LEPR: variants seen among roughly 807,000 people sequenced by gnomAD.
LEPR encodes the protein OB receptor.
A neutral mutation model predicts 114.7 loss-of-function variants in LEPR; 56 were observed. The observed-to-expected ratio is 0.49, with a 90% confidence interval of 0.39 to 0.61. The LOEUF (loss-of-function observed/expected upper bound fraction) is 0.61. Ranked by LOEUF, LEPR falls within the 20% of genes least tolerant of loss-of-function variation. The pLI, the probability that LEPR is intolerant of heterozygous loss-of-function variation, is 0.00. For missense variants in LEPR, 1,202 were observed against 1,352.9 expected, an observed-to-expected ratio of 0.89 and a Z score of 1.75; for synonymous variants, 443 against 461.4, an observed-to-expected ratio of 0.96 and a Z score of 0.51.
intron 2 of LEPR, among the ~76,000 whole-genome samples, chr1:65,459,979 A>T (rs1236757523): frequency 6.6e-6 from 1 of 152,102 alleles, no homozygotes; most frequent in Admixed American, 6.5e-5. Context: ...GAATAATCTA[A>T]AATGAGCCCA....
chr1:65,607,970 C>CT (rs942766574), intron 11 of LEPR, among the ~76,000 whole-genome samples: 2 of 152,152 alleles, frequency 1.3e-5, no homozygotes, highest in African/African-American at 4.8e-5. Flanking sequence ...TTAAAAATCA[C>CT]TTGCTATTCA....
intron 5 of LEPR, among the ~76,000 whole-genome samples, chr1:65,580,416 T>C (rs1033645150): frequency 1.4e-4 from 22 of 152,210 alleles, no homozygotes; most frequent in African/African-American, 4.8e-4. Flanking sequence ...TGTAAAAAAG[T>C]ATATTTTAAA....
chr1:65,435,827 TC>T (rs1646555297), intron 2 of LEPR: 1 of 983,016 alleles, frequency 1.0e-6, no homozygotes, highest in African/African-American at 1.7e-5. Context: ...TTAATTTAAT[TC>T]TCCTTTTTCC....
intron 2 of LEPR, among the ~76,000 whole-genome samples, chr1:65,451,310 T>C (rs1045800943): frequency 5.9e-5 from 9 of 152,190 alleles, no homozygotes; most frequent in African/African-American, 1.9e-4. Context: ...TTTTGGCTTT[T>C]GTTGCCATTG....
At chr1:65,448,942 G>A (rs1646745951) in intron 2 of LEPR, among the ~76,000 whole-genome samples, 1 of 152,140 alleles carries the variant, frequency 6.6e-6, no homozygotes, top group South Asian at 2.1e-4. Flanking sequence ...CGCCCAGGCT[G>A]GAGTGCAGTG....
chr1:65,602,142 C>A (rs982411353), intron 10 of LEPR, among the ~76,000 whole-genome samples, 182 bp downstream of exon 10: 3 of 152,012 alleles, frequency 2.0e-5, no homozygotes, highest in Non-Finnish European at 4.4e-5. Context: ...AATATTCACA[C>A]CTGAGATTAA....
intron 2 of LEPR, among the ~76,000 whole-genome samples, chr1:65,459,908 A>G (rs1000001524): frequency 2.6e-5 from 4 of 152,100 alleles, no homozygotes; most frequent in African/African-American, 9.7e-5. Flanking sequence ...AGTTTCCCCT[A>G]TATCTTTATA....
chr1:65,545,398 G>T (rs899527552), intron 2 of LEPR, among the ~76,000 whole-genome samples: 3 of 151,892 alleles, frequency 2.0e-5, no homozygotes, highest in African/African-American at 7.3e-5. Context: ...TTCCACAATG[G>T]TTGAACTAGT....
intron 2 of LEPR, among the ~76,000 whole-genome samples, chr1:65,439,828 CAA>C (rs34603511): frequency 3.9e-3 from 219 of 56,578 alleles, no homozygotes; most frequent in African/African-American, 0.013. Context: ...AACTCCATCT[CAA>C]AAAAAAAAAA....
At chr1:65,590,900 A>G (rs894705889) in intron 5 of LEPR, among the ~76,000 whole-genome samples, 1 of 140,560 alleles carries the variant, frequency 7.1e-6, no homozygotes, top group African/African-American at 2.6e-5. Context: ...TTTTTTTCCT[A>G]GTTTGTTAAG....
At chr1:65,467,758 C>G (rs1647033440) in intron 2 of LEPR, among the ~76,000 whole-genome samples, 2 of 152,202 alleles carry the variant, frequency 1.3e-5, no homozygotes, top group Non-Finnish European at 2.9e-5. Context: ...ATGGCAGATG[C>G]TCCTCCCCCA....
intron 2 of LEPR, among the ~76,000 whole-genome samples, chr1:65,529,025 G>C (rs1650183196): frequency 6.6e-6 from 1 of 151,060 alleles, no homozygotes; most frequent in African/African-American, 2.4e-5. Flanking sequence ...GTGTTAGCCA[G>C]GATGGTCTCA....
intron 2 of LEPR, among the ~76,000 whole-genome samples, chr1:65,534,690 AAGTG>A (rs1330797981): frequency 1.3e-4 from 20 of 152,306 alleles, no homozygotes; most frequent in African/African-American, 4.6e-4. Context: ...GTACAAGTGA[AAGTG>A]AGTGAGTGTG....
intron 7 of LEPR, among the ~76,000 whole-genome samples, chr1:65,597,897 G>A (rs10789190): frequency 0.5 from 76,348 of 151,596 alleles, 20,059 homozygotes; most frequent in East Asian, 0.88. Flanking sequence ...GATAATTTGT[G>A]AACTTGAGGA....
intron 2 of LEPR, chr1:65,428,068 T>C (rs1327812452): frequency 1.9e-5 from 3 of 154,264 alleles, no homozygotes; most frequent in Non-Finnish European, 4.3e-5. Flanking sequence ...CTGCCAATTA[T>C]CTTTGGCAGA....
intron 7 of LEPR, 42 bp downstream of exon 7, chr1:65,596,635 A>C (rs754244377): frequency 6.4e-7 from 1 of 1,573,272 alleles, no homozygotes; most frequent in Admixed American, 1.7e-5. Context: ...TTGAGAAGTA[A>C]ATAAAGACCC....
intron 3 of LEPR, 84 bp downstream of exon 3, chr1:65,565,689 C>G: frequency 6.7e-7 from 1 of 1,488,252 alleles, no homozygotes; most frequent in South Asian, 1.2e-5. Context: ...TATTTATTAG[C>G]TAACAGAATT....
chr1:65,622,232 T>G (rs886567332), intron 18 of LEPR, among the ~76,000 whole-genome samples: 1 of 152,186 alleles, frequency 6.6e-6, no homozygotes, highest in African/African-American at 2.4e-5. Context: ...CAAAAATGGC[T>G]TTCAGAGTTC....
At chr1:65,485,501 C>A (rs1378981078) in intron 2 of LEPR, among the ~76,000 whole-genome samples, 1 of 152,152 alleles carries the variant, frequency 6.6e-6, no homozygotes, top group African/African-American at 2.4e-5. Context: ...TTGCATCTTT[C>A]TGTTGCCATA....
Sources: allele counts gnomAD v4.1 joint callset (sites outside exome capture counted in the v4.1 genomes callset), GRCh38; gene constraint gnomAD v4.1.1; transcripts MANE v1.5; gene names NCBI Gene and HGNC (gene_info 2026-07-23, HGNC 2026-07-21).